The following RBPJ variants were observed in gnomAD, a reference collection of about 807,000 sequenced individuals.
RBPJ encodes recombining binding protein suppressor of hairless.
In RBPJ, 9 loss-of-function variants were observed where a neutral mutation model predicts 67.8. That is an observed-to-expected ratio of 0.13 (90% confidence interval 0.08 to 0.23). RBPJ has a LOEUF of 0.23. RBPJ is among the 10% of genes least tolerant of loss of function. RBPJ has a pLI of 1.00. For missense variants in RBPJ, 305 were observed against 595.6 expected (o/e 0.51, Z 5.08); for synonymous variants, 198 against 203.3 (o/e 0.97, Z 0.22).
chr4:26,353,609 CTT>C lies in RBPJ; in HGVS notation c.20+32577_20+32578del, dbSNP rs5856939. 6.5e-3 allele frequency among the ~76,000 whole-genome samples: 834 copies of C among 127,648 alleles called. 3 individuals carry two copies. Among genetic ancestry groups the C allele is most frequent in the African/African-American group, 0.012 (417 of 34,964 alleles). The allele number at this position is 127,648 out of a possible 152,430, so 83.7% of individuals were successfully genotyped here. A position where few individuals can be genotyped will look rare whatever the true frequency, so the allele number is the denominator to read the frequency against. ...AATTGTTCTTATAATTCACAGTATTCTTTTTTTTTTTTTTTTTGACAGAGTCT... is the reference window on the plus strand; with the variant it reads ...AATTGTTCTTATAATTCACAGTATTCTTTTTTTTTTTTTTTGACAGAGTCT... On this transcript the variant is annotated intron_variant, in intron 1 of 10. Coordinates refer to ENST00000355476, the MANE Select transcript of RBPJ (RefSeq NM_015874.6).
At chr4:26,296,527 A>G (rs1324872858) in intron 1 of RBPJ, among the ~76,000 whole-genome samples, 4 of 152,202 alleles carry the variant, frequency 2.6e-5, no homozygotes, top group African/African-American at 4.8e-5. Context: ...TCGCCGCTCT[A>G]TTTCATACAA....
intron 1 of RBPJ, among the ~76,000 whole-genome samples, chr4:26,307,320 C>A (rs184377157): frequency 7.2e-5 from 11 of 152,330 alleles, no homozygotes; most frequent in African/African-American, 2.6e-4. Flanking sequence ...GACAGGCATA[C>A]AACCTTTTGA....
chr4:26,304,138 A>G (rs566353222), intron 1 of RBPJ, among the ~76,000 whole-genome samples: 33 of 152,200 alleles, frequency 2.2e-4, no homozygotes, highest in Non-Finnish European at 4.0e-4. Context: ...TGCTGCTTTC[A>G]TTTAGCACGT....
chr4:26,177,224 G>A (rs536957878), intron 1 of RBPJ, among the ~76,000 whole-genome samples: 21 of 152,254 alleles, frequency 1.4e-4, no homozygotes, highest in East Asian at 9.6e-4. Flanking sequence ...GCTCTAGCTC[G>A]TCACTGGAGG....
chr4:26,330,497 AC>A (rs1362245764), intron 1 of RBPJ, among the ~76,000 whole-genome samples: 2 of 152,342 alleles, frequency 1.3e-5, no homozygotes, highest in Admixed American at 1.3e-4. Context: ...CCTTTTCTGT[AC>A]CTATATTTTT....
At chr4:26,228,302 T>C (rs551612638) in intron 1 of RBPJ, among the ~76,000 whole-genome samples, 14 of 152,368 alleles carry the variant, frequency 9.2e-5, no homozygotes, top group Admixed American at 7.8e-4. Context: ...CAGACTGTCC[T>C]TTTTGTGTTT....
At chr4:26,125,237 T>G in the RBPJ span, among the ~76,000 whole-genome samples, 2 of 152,180 alleles carry the variant, frequency 1.3e-5, no homozygotes, top group Non-Finnish European at 2.9e-5. Context: ...AACATGTGGG[T>G]AGCTGCTGAA....
intron 3 of RBPJ, among the ~76,000 whole-genome samples, chr4:26,411,256 T>A (rs181808559): frequency 3.6e-4 from 54 of 152,056 alleles, no homozygotes; most frequent in Non-Finnish European, 6.3e-4. Context: ...GTCTTTAAAA[T>A]TAAATAAATA....
intron 1 of RBPJ, among the ~76,000 whole-genome samples, chr4:26,333,713 A>G (rs1724491117): frequency 6.6e-6 from 1 of 152,086 alleles, no homozygotes; most frequent in South Asian, 2.1e-4. Context: ...TTCTTGGGAT[A>G]GGATCTTACT....
intron 1 of RBPJ, among the ~76,000 whole-genome samples, chr4:26,178,448 AT>A (rs928407290): frequency 3.3e-5 from 5 of 151,836 alleles, no homozygotes; most frequent in African/African-American, 7.3e-5. Context: ...CTGTACAAAA[AT>A]TTTTTTTAAT....
chr4:26,385,832 T>A (rs560324179), intron 1 of RBPJ, among the ~76,000 whole-genome samples: 1 of 151,860 alleles, frequency 6.6e-6, no homozygotes, highest in South Asian at 2.1e-4. Context: ...AGACAGAGTC[T>A]TGCTGTGTCA....
At chr4:26,189,111 G>A (rs1471986246) in intron 1 of RBPJ, among the ~76,000 whole-genome samples, 1 of 152,100 alleles carries the variant, frequency 6.6e-6, no homozygotes, top group African/African-American at 2.4e-5. Context: ...CAGTGCTTTG[G>A]GAGGCCAAGG....
the RBPJ span, among the ~76,000 whole-genome samples, chr4:26,145,153 C>A: frequency 7.4e-6 from 1 of 134,950 alleles, no homozygotes; most frequent in South Asian, 2.5e-4. Context: ...TTAATTGGAT[C>A]ACCTGTCATA....
intron 1 of RBPJ, among the ~76,000 whole-genome samples, chr4:26,169,453 C>T (rs368089853): frequency 2.9e-4 from 44 of 152,270 alleles, no homozygotes; most frequent in African/African-American, 2.2e-4. Flanking sequence ...GAGGAGTACC[C>T]GGCCGTGTGA....
At chr4:26,173,448 T>C (rs1716676360) in intron 1 of RBPJ, among the ~76,000 whole-genome samples, 1 of 152,162 alleles carries the variant, frequency 6.6e-6, no homozygotes, top group African/African-American at 2.4e-5. Context: ...CAGTAGGTTT[T>C]GAGTAGGAAG....
chr4:26,391,580 ATGTTGTT>A (rs1196874885), intron 2 of RBPJ, among the ~76,000 whole-genome samples: 1 of 152,146 alleles, frequency 6.6e-6, no homozygotes, highest in African/African-American at 2.4e-5. Flanking sequence ...ATAGGAGAAA[ATGTTGTT>A]TATTAGGCTA....
chr4:26,130,988 G>T, the RBPJ span, among the ~76,000 whole-genome samples: 1 of 152,340 alleles, frequency 6.6e-6, no homozygotes, highest in South Asian at 2.1e-4. Context: ...GATGGCTTGG[G>T]ATCTTCTAAG....
intron 1 of RBPJ, among the ~76,000 whole-genome samples, chr4:26,346,163 A>G (rs73113399): frequency 0.018 from 2,799 of 152,300 alleles, 96 homozygotes; most frequent in African/African-American, 0.063. Flanking sequence ...CAAAAAATTT[A>G]GGACATGGAC....
At chr4:26,301,592 A>T (rs1272798261) in intron 1 of RBPJ, among the ~76,000 whole-genome samples, 1 of 143,170 alleles carries the variant, frequency 7.0e-6, no homozygotes, top group Non-Finnish European at 1.5e-5. Flanking sequence ...ACTCTGTCTC[A>T]AAAAAAAAAA....
Sources: gnomAD v4.1 joint callset for allele counts (sites outside exome capture counted in the v4.1 genomes callset) on GRCh38, gnomAD v4.1.1 for gene constraint, MANE v1.5 for transcripts, NCBI Gene and HGNC (gene_info 2026-07-23, HGNC 2026-07-21) for gene names.